NCOR1: variants seen among roughly 807,000 people sequenced by gnomAD.
The protein encoded by NCOR1 is nuclear receptor corepressor 1.
In NCOR1, 63 loss-of-function variants were observed where a neutral mutation model predicts 288.1. The observed-to-expected ratio is 0.22, with a 90% CI of 0.18 to 0.27. NCOR1 has a LOEUF of 0.27. NCOR1 is among the 10% of genes least tolerant of loss of function. The pLI, the probability that NCOR1 is intolerant of heterozygous loss-of-function variation, is 1.00. For missense variants in NCOR1, 2,397 were observed against 3,019.2 expected (o/e 0.79, Z 4.83); for synonymous variants, 1,007 against 1,065.9 (o/e 0.94, Z 1.08).
chr17:16,172,216 C>T (rs559955826), intron 3 of NCOR1, among the ~76,000 whole-genome samples: 3 of 152,046 alleles, frequency 2.0e-5, no homozygotes, highest in African/African-American at 2.4e-5. Context: ...ATTAGCTGGG[C>T]GTGGCAGTGG....
intron 1 of NCOR1, among the ~76,000 whole-genome samples, chr17:16,199,583 G>A (rs1289388118): frequency 3.3e-5 from 5 of 151,976 alleles, no homozygotes; most frequent in African/African-American, 9.7e-5. Flanking sequence ...AAGATACCTC[G>A]GCAGAATACT....
rs755603818 is a variant in NCOR1 at position 16,057,998 on chromosome 17, G to T, written c.6077C>A (p.Pro2026His). The T allele has an allele frequency of 6.2e-7, 1 of 1,614,128 alleles. No homozygotes were observed. The highest frequency in any genetic ancestry group is 2.2e-5 in the East Asian group (1 of 44,884). The change falls in exon 39 of 46, where the codon CCC becomes CAC. Residue 2026 changes from proline (P) to histidine (H), a missense_variant. Physicochemically the swap from Pro to His is moderately conservative, Grantham distance 77 (BLOSUM62 -2). Transcript: ENST00000268712. ...HYRPQQESPS[P>H]QQQLPPSSQA... ...TGAAGAAGGGGGCAGCTGTTGTTGGGGAGATGGTGATTCCTGCTGTGGTCG... is the reference window on the plus strand; with the variant it reads ...TGAAGAAGGGGGCAGCTGTTGTTGGTGAGATGGTGATTCCTGCTGTGGTCG...
chr17:16,123,442 T>G (rs2073406059), intron 15 of NCOR1, among the ~76,000 whole-genome samples: 1 of 152,196 alleles, frequency 6.6e-6, no homozygotes, highest in South Asian at 2.1e-4. Context: ...GTCTATTCAT[T>G]TTATCTTGCC....
chr17:16,115,134 C>A (rs2071312758), intron 18 of NCOR1, among the ~76,000 whole-genome samples: 1 of 152,216 alleles, frequency 6.6e-6, no homozygotes, highest in South Asian at 2.1e-4. Context: ...TTGGGGCTTG[C>A]ACCCTCTGAA....
chr17:16,128,980 T>C (rs1224382295), intron 14 of NCOR1, among the ~76,000 whole-genome samples: 4 of 152,232 alleles, frequency 2.6e-5, no homozygotes, highest in Admixed American at 2.6e-4. Flanking sequence ...TCTCCCTAGA[T>C]CAACATTCTC....
rs1274902081 is a variant in NCOR1, at chr17:16,061,382, C to T, written c.5881+19G>A. On this transcript the variant is annotated intron_variant, in intron 37 of 45. Coordinates refer to ENST00000268712, the MANE Select transcript of NCOR1 (RefSeq NM_006311.4). ...TTTACTCAGACATCACATTGTGAAA[C>T]TCGGATTGAGATACATACAGCTACT... 3 of 1,603,610 alleles carry T rather than the reference C, an allele frequency of 1.9e-6. No homozygotes were observed. The Admixed American group carries it at 5.1e-5, about 27-fold the overall frequency.
chr17:16,111,412 G>C (rs1796426424), intron 18 of NCOR1, among the ~76,000 whole-genome samples: 1 of 151,996 alleles, frequency 6.6e-6, no homozygotes, highest in South Asian at 2.1e-4. Context: ...GACCAGCCTG[G>C]CCAACATGGT....
chr17:16,197,321 CA>C (rs1162247518), intron 1 of NCOR1, among the ~76,000 whole-genome samples: 317 of 125,856 alleles, frequency 2.5e-3, no homozygotes, highest in Admixed American at 2.6e-3. Flanking sequence ...ACTCCGTCTC[CA>C]AAAAAAAAAA....
chr17:16,041,692 G>A (rs2057691460), intron 42 of NCOR1, among the ~76,000 whole-genome samples: 1 of 151,908 alleles, frequency 6.6e-6, no homozygotes, highest in South Asian at 2.1e-4. Context: ...TGGGATTACA[G>A]GCATGGGCCA....
intron 31 of NCOR1, among the ~76,000 whole-genome samples, chr17:16,068,634 C>T (rs2061394566): frequency 6.6e-6 from 1 of 151,986 alleles, no homozygotes; most frequent in Non-Finnish European, 1.5e-5. Flanking sequence ...AGCCTCTCTT[C>T]TCTTAAATGA....
At chr17:16,208,489 C>G (rs1045032247) in intron 1 of NCOR1, among the ~76,000 whole-genome samples, 6 of 151,962 alleles carry the variant, frequency 3.9e-5, no homozygotes, top group African/African-American at 1.5e-4. Flanking sequence ...TAGGATGAAC[C>G]AATCCCATGT....
At chr17:16,032,545 A>C in intron 45 of NCOR1, 62 bp from the exon 46 acceptor site, 3 of 1,461,876 alleles carry the variant, frequency 2.1e-6, no homozygotes, top group South Asian at 2.8e-5. Context: ...ATCCAATCCA[A>C]CTTTTGTAGG....
intron 14 of NCOR1, among the ~76,000 whole-genome samples, chr17:16,129,750 C>T (rs769372201): frequency 1.3e-5 from 2 of 152,128 alleles, no homozygotes; most frequent in African/African-American, 2.4e-5. Flanking sequence ...ACCCAGAAAA[C>T]GGTTTATGGC....
At chr17:16,045,173 A>G (rs1451068547) in intron 42 of NCOR1, among the ~76,000 whole-genome samples, 1 of 152,196 alleles carries the variant, frequency 6.6e-6, no homozygotes, top group Non-Finnish European at 1.5e-5. Context: ...AGGTTCTGCC[A>G]CAGAACATTA....
chr17:16,214,328 G>A (rs1042916852), intron 1 of NCOR1, among the ~76,000 whole-genome samples: 1 of 152,204 alleles, frequency 6.6e-6, no homozygotes, highest in African/African-American at 2.4e-5. Flanking sequence ...TATTGATCAA[G>A]ATATATTGAA....
chr17:16,121,642 T>C (rs1176871795), intron 15 of NCOR1, among the ~76,000 whole-genome samples: 2 of 152,188 alleles, frequency 1.3e-5, no homozygotes, highest in African/African-American at 4.8e-5. Context: ...TTATTTGCCT[T>C]TAGTCTAGGT....
At chr17:16,164,586 G>A (rs796990985) in intron 5 of NCOR1, among the ~76,000 whole-genome samples, 5 of 152,118 alleles carry the variant, frequency 3.3e-5, no homozygotes, top group Admixed American at 6.5e-5. Flanking sequence ...CAGTAGGAAT[G>A]TAAAATGGTG....
intron 23 of NCOR1, among the ~76,000 whole-genome samples, chr17:16,083,557 A>G (rs531285480): frequency 6.6e-6 from 1 of 152,018 alleles, no homozygotes; most frequent in East Asian, 1.9e-4. Flanking sequence ...ATCCCAACAA[A>G]AATCCCAGCA....
At chr17:16,143,254 T>C (rs139018146) in intron 11 of NCOR1, among the ~76,000 whole-genome samples, 1 of 152,332 alleles carries the variant, frequency 6.6e-6, no homozygotes, top group African/African-American at 2.4e-5. Flanking sequence ...ATTCTTCCTC[T>C]TTCTCATCTC....
Sources: allele counts gnomAD v4.1 joint callset (sites outside exome capture counted in the v4.1 genomes callset), GRCh38; gene constraint gnomAD v4.1.1; transcripts MANE v1.5; gene names NCBI Gene and HGNC (gene_info 2026-07-23, HGNC 2026-07-21).